PARD3B: variants seen among roughly 807,000 people sequenced by gnomAD.
The protein encoded by PARD3B is partitioning defective 3 homolog B.
In PARD3B, 103 loss-of-function variants were observed where a neutral mutation model predicts 130.2. The ratio of observed to expected loss-of-function variants is 0.79; its 90% CI spans 0.67 to 0.93. PARD3B has a LOEUF of 0.93. PARD3B is among the 40% of genes least tolerant of loss of function. The probability of loss-of-function intolerance (pLI) is 0.00; values close to 1 mark genes in which losing one functional copy is unlikely to be tolerated. For synonymous variants in PARD3B, 583 were observed against 553.2 expected, an observed-to-expected ratio of 1.05 and a Z score of -0.76; for missense variants, 1,609 against 1,499.2, an observed-to-expected ratio of 1.07 and a Z score of -1.21.
At chr2:204,986,806 C>A (rs962437316) in intron 3 of PARD3B, among the ~76,000 whole-genome samples, 5 of 152,294 alleles carry the variant, frequency 3.3e-5, no homozygotes, top group African/African-American at 7.2e-5. Context: ...CTCAGCCCAC[C>A]TTTTACGTCC....
intron 20 of PARD3B, among the ~76,000 whole-genome samples, chr2:205,493,789 G>C (rs1370373003): frequency 6.6e-6 from 1 of 150,806 alleles, no homozygotes; most frequent in East Asian, 1.9e-4. Context: ...GCAGAGTCTT[G>C]CTCTGTTGCC....
At chr2:204,812,684 G>GTCATATACCAGTTA (rs1174959794) in intron 2 of PARD3B, among the ~76,000 whole-genome samples, 1 of 152,120 alleles carries the variant, frequency 6.6e-6, no homozygotes, top group East Asian at 1.9e-4. Flanking sequence ...CTAAAAGAAG[G>GTCATATACCAGTTA]TCATATACCA....
In PARD3B at chr2:205,158,698, T is replaced by C; in HGVS notation, c.1435-24T>C. The C allele has an allele frequency of 6.3e-7, 1 of 1,584,512 alleles. No individual in the cohort carries two copies. Among genetic ancestry groups the C allele is most frequent in the African/African-American group, 1.4e-5 (1 of 73,528 alleles). On this transcript the variant is annotated intron_variant, in intron 10 of 22. Coordinates refer to ENST00000406610, the MANE Select transcript of PARD3B (RefSeq NM_001302769.2). This position sits in a 1 kb window ranked among gnomAD's most constrained non-coding sequence, Gnocchi z 5.4. ...TTAATCTGCTTTCTTCTCTTCACTC[T>C]TTTCATGTGTATTCCCCTAACAGAA...
chr2:204,617,564 T>C (rs1011571248), intron 1 of PARD3B, among the ~76,000 whole-genome samples: 4 of 152,154 alleles, frequency 2.6e-5, no homozygotes, highest in Non-Finnish European at 5.9e-5. Flanking sequence ...TTTTAAACTT[T>C]CCAACTTTTA....
At chr2:205,416,537 T>G (rs531993135) in intron 19 of PARD3B, among the ~76,000 whole-genome samples, 1 of 152,158 alleles carries the variant, frequency 6.6e-6, no homozygotes, top group African/African-American at 2.4e-5. Flanking sequence ...TCCTCACATA[T>G]GTCTTCATCC....
intron 5 of PARD3B, among the ~76,000 whole-genome samples, chr2:205,111,805 T>C (rs1703668507): frequency 6.6e-6 from 1 of 152,100 alleles, no homozygotes; most frequent in Non-Finnish European, 1.5e-5. Flanking sequence ...TAATTTTCAG[T>C]GACTAAGCAA....
At chr2:205,152,499 T>C (rs976341785) in intron 10 of PARD3B, among the ~76,000 whole-genome samples, 14 of 152,218 alleles carry the variant, frequency 9.2e-5, no homozygotes, top group African/African-American at 3.4e-4. Context: ...TTCATTTCAT[T>C]CATTTGATCT....
chr2:205,404,512 T>C (rs2046356230), intron 19 of PARD3B, among the ~76,000 whole-genome samples: 1 of 152,200 alleles, frequency 6.6e-6, no homozygotes. Context: ...TATAACATCT[T>C]GCTTTTTTCA....
chr2:205,433,853 G>C (rs1011595186), intron 19 of PARD3B, among the ~76,000 whole-genome samples: 2 of 152,138 alleles, frequency 1.3e-5, no homozygotes, highest in Non-Finnish European at 2.9e-5. Flanking sequence ...TGTTATTGCT[G>C]ATTTATCTTC....
At chr2:205,071,382 G>A (rs1162422644) in intron 4 of PARD3B, among the ~76,000 whole-genome samples, 1 of 152,190 alleles carries the variant, frequency 6.6e-6, no homozygotes. Context: ...TCCTAGGTGT[G>A]CATCTTGTTC....
At chr2:204,900,038 C>G (rs1022843108) in intron 2 of PARD3B, among the ~76,000 whole-genome samples, 1 of 152,140 alleles carries the variant, frequency 6.6e-6, no homozygotes, top group Non-Finnish European at 1.5e-5. Flanking sequence ...TTGGGATCCC[C>G]TCTTTATCCT....
At position 204,648,569 on chromosome 2, in the gene PARD3B, A is replaced by AATATATATTATATATTAT. The variant is rs2035353087; in HGVS notation, c.121-37609_121-37592dup. On this transcript the variant is annotated intron_variant, in intron 1 of 22. Coordinates refer to ENST00000406610, the MANE Select transcript of PARD3B (RefSeq NM_001302769.2). Reference sequence around the variant, plus strand: ...TAAAGCTTTAAAATATATAAATATAAATATATATTATATATTATATTATAT... The same window carrying AATATATATTATATATTAT: ...TAAAGCTTTAAAATATATAAATATAAATATATATTATATATTATATATATATTATATATTATATTATAT... 3.1e-5 allele frequency among the ~76,000 whole-genome samples: 4 copies of AATATATATTATATATTAT among 130,276 alleles called. No homozygotes were observed. In the South Asian group the frequency reaches 8.6e-4, roughly 28 times the overall value. The allele number at this position is 130,276 out of a possible 152,430, so 85.5% of individuals were successfully genotyped here.
intron 20 of PARD3B, among the ~76,000 whole-genome samples, chr2:205,475,570 C>CATTT (rs2048996512): frequency 6.6e-6 from 1 of 152,140 alleles, no homozygotes; most frequent in South Asian, 2.1e-4. Flanking sequence ...TCAGGAAGAT[C>CATTT]ATTTGCCAAG....
At chr2:205,149,447 C>G (rs561120564) in intron 10 of PARD3B, among the ~76,000 whole-genome samples, 1 of 152,160 alleles carries the variant, frequency 6.6e-6, no homozygotes, top group Non-Finnish European at 1.5e-5. Flanking sequence ...TTTTCTACCA[C>G]CCGTCCTCCT....
chr2:204,803,020 T>C (rs1161397565), intron 2 of PARD3B, among the ~76,000 whole-genome samples: 1 of 150,628 alleles, frequency 6.6e-6, no homozygotes, highest in Non-Finnish European at 1.5e-5. Flanking sequence ...TAGAGAAATG[T>C]TCTGAAGGAA....
chr2:204,868,877 T>A (rs2045524824), intron 2 of PARD3B, among the ~76,000 whole-genome samples: 1 of 152,132 alleles, frequency 6.6e-6, no homozygotes, highest in Admixed American at 6.6e-5. Flanking sequence ...GGCAATTAGG[T>A]AGAAAGAGCA....
In PARD3B at chr2:204,907,040, G is replaced by A. The variant is rs188254487; in HGVS notation, c.223-58112G>A. Reference sequence around the variant, plus strand: ...CTGTCGCCCAGGCTGGAGTTCAGTGGCACGATCTCGGCTCACTGTAACCTC... The same window carrying A: ...CTGTCGCCCAGGCTGGAGTTCAGTGACACGATCTCGGCTCACTGTAACCTC... On this transcript the variant is annotated intron_variant, in intron 2 of 22. Coordinates refer to ENST00000406610, the MANE Select transcript of PARD3B (RefSeq NM_001302769.2). This position sits in a 1 kb window ranked among gnomAD's most constrained non-coding sequence, Gnocchi z 5.7. Among the ~76,000 whole-genome samples, 4 of 151,976 alleles carry A rather than the reference G, an allele frequency of 2.6e-5. No homozygotes were observed. Among genetic ancestry groups the A allele is most frequent in the Admixed American group, 6.6e-5 (1 of 15,262 alleles).
At chr2:205,566,794 T>C (rs865915157) in intron 22 of PARD3B, among the ~76,000 whole-genome samples, 14 of 152,310 alleles carry the variant, frequency 9.2e-5, no homozygotes, top group African/African-American at 1.4e-4. Context: ...AAAGTACAAA[T>C]AAAGGCAGGT....
At position 205,431,046 on chromosome 2, in the gene PARD3B, A is replaced by G. The variant is rs115356284; in HGVS notation, c.2742-9324A>G. 7.6e-3 allele frequency among the ~76,000 whole-genome samples: 1,151 copies of G among 152,316 alleles called. 13 individuals are homozygous for G. Among genetic ancestry groups the G allele is most frequent in the African/African-American group, 0.024 (986 of 41,568 alleles). On this transcript the variant is annotated intron_variant, in intron 19 of 22. Coordinates refer to ENST00000406610, the MANE Select transcript of PARD3B (RefSeq NM_001302769.2). ...ATGCTTGGTAAAAAATTAATAGAAA[A>G]ATATATTTAAAATATGACAGAATCT...
Sources: gnomAD v4.1 joint callset for allele counts (sites outside exome capture counted in the v4.1 genomes callset) on GRCh38, gnomAD v4.1.1 for gene constraint, Gnocchi (gnomAD v3.1) non-coding constraint, MANE v1.5 for transcripts, NCBI Gene and HGNC (gene_info 2026-07-23, HGNC 2026-07-21) for gene names.